PIK3R5: variants seen among roughly 807,000 people sequenced by gnomAD.
The protein encoded by PIK3R5 is phosphoinositide-3-kinase regulatory subunit 5.
A neutral mutation model predicts 94.9 loss-of-function variants in PIK3R5; 32 were observed. That is an observed-to-expected ratio of 0.34 (90% CI 0.25 to 0.45). The LOEUF (loss-of-function observed/expected upper bound fraction) is 0.45, where lower values mean the gene tolerates loss of function less well. PIK3R5 is among the 20% of genes least tolerant of loss of function. PIK3R5 has a pLI of 1.00. For synonymous variants in PIK3R5, 443 were observed against 479.4 expected, an observed-to-expected ratio of 0.92 and a Z score of 0.99; for missense variants, 853 against 1,144.6, an observed-to-expected ratio of 0.75 and a Z score of 3.68.
rs565404870 is a variant in PIK3R5, at chr17:8,884,445, C to A, written c.2205+262G>T. On this transcript the variant is annotated intron_variant, in intron 15 of 18. Coordinates refer to ENST00000447110, the MANE Select transcript of PIK3R5 (RefSeq NM_001142633.3). The surrounding 1 kb of genome is among the most constrained non-coding windows in gnomAD (Gnocchi z 5.8). ...CAGCCCTGTAGCCAGGCCCAGCAGA[C>A]CCCTACCCCTGGGCTGCTGCTGAGC... Among the ~76,000 whole-genome samples the A allele has an allele frequency of 1.3e-5, 2 of 152,212 alleles. No homozygotes were observed. The highest frequency in any genetic ancestry group is 2.4e-5 in the African/African-American group (1 of 41,536).
intron 1 of PIK3R5, among the ~76,000 whole-genome samples, chr17:8,928,388 C>G: frequency 6.6e-6 from 1 of 152,040 alleles, no homozygotes; most frequent in East Asian, 1.9e-4. Context: ...ATATATAAAA[C>G]TACAGTTTTA....
At position 8,957,290 on chromosome 17, in the gene PIK3R5, T is replaced by C. The variant is rs1490642290; in HGVS notation, c.-14+8306A>G. ...CACCACGAAGCCTCCCATTCCACTG[T>C]TGACCTGCTCTGAATTTCTCTGAGA... On this transcript the variant is annotated intron_variant, in intron 1 of 18. Coordinates refer to ENST00000447110, the MANE Select transcript of PIK3R5 (RefSeq NM_001142633.3). Among the ~76,000 whole-genome samples the C allele has an allele frequency of 2.6e-5, 4 of 152,250 alleles. No individual in the cohort carries two copies. The East Asian group carries it at 7.7e-4, about 29-fold the overall frequency.
chr17:8,880,802 G>A lies in PIK3R5; in HGVS notation c.2496-16C>T. 6.2e-7 allele frequency: 1 copy of A among 1,612,906 alleles called. No individual in the cohort carries two copies. The highest frequency in any genetic ancestry group is 8.5e-7 in the Non-Finnish European group (1 of 1,179,194). ...GACCTCACATCTGTGCAGCAGGGCAGGGGCCAGGGATCAGAGCAGGCCCCC... is the reference window on the plus strand; with the variant it reads ...GACCTCACATCTGTGCAGCAGGGCAAGGGCCAGGGATCAGAGCAGGCCCCC... On this transcript the variant is annotated splice_polypyrimidine_tract_variant and intron_variant, in intron 18 of 18. Transcript: ENST00000447110.
At chr17:8,929,633 AAG>A (rs1491021679) in intron 1 of PIK3R5, among the ~76,000 whole-genome samples, 2 of 152,250 alleles carry the variant, frequency 1.3e-5, no homozygotes, top group African/African-American at 2.4e-5. Context: ...CAGCCAAAAA[AAG>A]AGAACAAAAT....
Position 8,940,718 on chromosome 17 carries a change from G to A in PIK3R5, c.-14+24878C>T, listed in dbSNP as rs1597422406. 2.6e-5 allele frequency among the ~76,000 whole-genome samples: 4 copies of A among 152,216 alleles called. No homozygotes were observed. The South Asian group carries it at 6.2e-4, about 24-fold the overall frequency. On this transcript the variant is annotated intron_variant, in intron 1 of 18. Transcript: ENST00000447110. ...TGGGATTACAGGCATGAGCCATCAT[G>A]CCTGGCTAATTTTTGTATTTTTAGT...
rs1320990964 is a variant in PIK3R5 at position 8,942,982 on chromosome 17, A to ACACACACACACACG, written c.-14+22613_-14+22614insCGTGTGTGTGTGTG. ...ACGTCATACACACACACACACACAC[A>ACACACACACACACG]CACACACTTTGCTAAAACATTTGAA... On this transcript the variant is annotated intron_variant, in intron 1 of 18. Coordinates refer to ENST00000447110, the MANE Select transcript of PIK3R5 (RefSeq NM_001142633.3). Among the ~76,000 whole-genome samples, 4 of 151,788 alleles carry ACACACACACACACG rather than the reference A, an allele frequency of 2.6e-5. No individual in the cohort carries two copies. In the East Asian group the frequency reaches 7.7e-4, roughly 29 times the overall value.
rs535738374 is a variant in PIK3R5 at position 8,881,965 on chromosome 17, G to C, written c.2206-84C>G. On this transcript the variant is annotated intron_variant, in intron 15 of 18. Coordinates refer to ENST00000447110, the MANE Select transcript of PIK3R5 (RefSeq NM_001142633.3). This position sits in a 1 kb window ranked among gnomAD's most constrained non-coding sequence, Gnocchi z 4.8. ...CTCTTTGAAGGCCCATCAGTGACAG[G>C]GGGTTGCCTCTAGTTAGCATATCCC... The C allele has an allele frequency of 1.1e-4, 117 of 1,058,260 alleles. No homozygotes were observed. The highest frequency in any genetic ancestry group is 4.0e-4 in the Admixed American group (20 of 50,574). The allele number at this position is 1,058,260 out of a possible 1,614,324, so 65.6% of individuals were successfully genotyped here.
At position 8,889,257 on chromosome 17, in the gene PIK3R5, G is replaced by A. The variant is rs999064265; in HGVS notation, c.812-35C>T. On this transcript the variant is annotated intron_variant, in intron 8 of 18. Transcript: ENST00000447110. This position sits in a 1 kb window ranked among gnomAD's most constrained non-coding sequence, Gnocchi z 4.1. ...CAGGGAGGATAGGAGAAGAGGGCTG[G>A]GAAGAGGCCTTGGAGATTGGCCAGT... The A allele has an allele frequency of 3.2e-6, 5 of 1,550,192 alleles. No homozygotes were observed. The East Asian group carries it at 9.0e-5, about 28-fold the overall frequency.
In PIK3R5 at chr17:8,888,702, G is replaced by A; in HGVS notation, c.1085C>T (p.Ala362Val). Residue 362 changes from alanine to valine, a missense_variant, in exon 10 of 19, where the codon GCA becomes GTA. Physicochemically the swap from Ala to Val is moderately conservative, Grantham distance 64 (BLOSUM62 0). Coordinates refer to ENST00000447110, the MANE Select transcript of PIK3R5 (RefSeq NM_001142633.3). The surrounding 1 kb of genome is among the most constrained non-coding windows in gnomAD (Gnocchi z 7.8). ...LASHDSTLSLASSQASGPALS... is the reference protein window; with the variant it reads ...LASHDSTLSLVSSQASGPALS... ...GGCCGGCCCCGAGGCCTGGGAGGAT[G>A]CAAGGGACAAGGTGGAGTCATGGGA... 6.2e-7 allele frequency: 1 copy of A among 1,613,940 alleles called. No individual in the cohort carries two copies. Among genetic ancestry groups the A allele is most frequent in the Non-Finnish European group, 8.5e-7 (1 of 1,180,030 alleles).
chr17:8,933,584 C>T (rs1049285248), intron 1 of PIK3R5, among the ~76,000 whole-genome samples: 1 of 152,108 alleles, frequency 6.6e-6, no homozygotes, highest in African/African-American at 2.4e-5. Flanking sequence ...CAAAACCAGA[C>T]AAGAACACTA....
intron 1 of PIK3R5, among the ~76,000 whole-genome samples, chr17:8,917,265 T>C (rs2090648823): frequency 6.6e-6 from 1 of 152,196 alleles, no homozygotes; most frequent in East Asian, 1.9e-4. Context: ...TCTGTGTGTA[T>C]AGCTTTAACG....
chr17:8,901,435 G>A (rs887367606), intron 5 of PIK3R5, among the ~76,000 whole-genome samples: 2 of 151,964 alleles, frequency 1.3e-5, no homozygotes, highest in Admixed American at 6.5e-5. Flanking sequence ...CTGATTGGGC[G>A]AGGCACAGAC....
intron 1 of PIK3R5, among the ~76,000 whole-genome samples, chr17:8,928,702 G>A (rs561442537): frequency 6.6e-6 from 1 of 152,292 alleles, no homozygotes; most frequent in South Asian, 2.1e-4. Flanking sequence ...CTCTCAGAGG[G>A]AGAAAAACTG....
chr17:8,926,884 GT>G (rs907640496), intron 1 of PIK3R5, among the ~76,000 whole-genome samples: 16 of 151,898 alleles, frequency 1.1e-4, no homozygotes, highest in African/African-American at 3.9e-4. Context: ...TTTATGCCTT[GT>G]TTTTTATCAC....
At chr17:8,963,186 G>C (rs2091596385) in intron 1 of PIK3R5, among the ~76,000 whole-genome samples, 1 of 152,168 alleles carries the variant, frequency 6.6e-6, no homozygotes, top group African/African-American at 2.4e-5. Flanking sequence ...TAGCTCACCA[G>C]CTGAGGCCAA....
intron 1 of PIK3R5, among the ~76,000 whole-genome samples, chr17:8,950,468 C>A (rs1420195382): frequency 6.6e-6 from 1 of 152,138 alleles, no homozygotes. Flanking sequence ...CACTGAGAGT[C>A]CACAATGTCT....
In PIK3R5 at chr17:8,945,662, C is replaced by T. The variant is rs1303949379; in HGVS notation, c.-14+19934G>A. Among the ~76,000 whole-genome samples, 1 of 152,174 alleles carries T rather than the reference C, an allele frequency of 6.6e-6. No individual in the cohort carries two copies. The highest frequency in any genetic ancestry group is 1.5e-5 in the Non-Finnish European group (1 of 68,030). ...GAAAGTACTTATAAGATTTTATGTC[C>T]CAAAGATGATCCCAACAATAGCTCC... On this transcript the variant is annotated intron_variant, in intron 1 of 18. Coordinates refer to ENST00000447110, the MANE Select transcript of PIK3R5 (RefSeq NM_001142633.3). This position sits in a 1 kb window ranked among gnomAD's most constrained non-coding sequence, Gnocchi z 4.0.
chr17:8,934,901 T>G (rs936438727), intron 1 of PIK3R5, among the ~76,000 whole-genome samples: 9 of 152,214 alleles, frequency 5.9e-5, no homozygotes, highest in Admixed American at 3.9e-4. Flanking sequence ...CATGGCTCAC[T>G]GGACCCCAAG....
At chr17:8,917,432 G>A (rs1416663546) in intron 1 of PIK3R5, among the ~76,000 whole-genome samples, 3 of 152,246 alleles carry the variant, frequency 2.0e-5, no homozygotes, top group South Asian at 4.1e-4. Context: ...ACGGGGATAG[G>A]GAATGAAAGC....
Sources: allele counts gnomAD v4.1 joint callset (sites outside exome capture counted in the v4.1 genomes callset), GRCh38; gene constraint gnomAD v4.1.1; non-coding constraint Gnocchi (gnomAD v3.1); transcripts MANE v1.5; gene names NCBI Gene and HGNC (gene_info 2026-07-23, HGNC 2026-07-21).